The following NUP98 variants were observed in gnomAD, a reference collection of about 807,000 sequenced individuals.
The protein encoded by NUP98 is nucleoporin 98 and 96 precursor.
In NUP98, 26 loss-of-function variants were observed where a neutral mutation model predicts 191.9. The observed-to-expected ratio is 0.14, with a 90% CI of 0.10 to 0.19. The LOEUF is 0.19. Ranked by LOEUF, NUP98 falls within the 10% of genes least tolerant of loss-of-function variation. The probability of loss-of-function intolerance (pLI) is 1.00; values close to 1 mark genes in which losing one functional copy is unlikely to be tolerated. For missense variants in NUP98, 1,941 were observed against 2,178.8 expected (o/e 0.89, Z 2.17); for synonymous variants, 808 against 778.4 (o/e 1.04, Z -0.63).
intron 10 of NUP98, among the ~76,000 whole-genome samples, chr11:3,757,786 C>A (rs1177303780): frequency 6.6e-6 from 1 of 151,556 alleles, no homozygotes; most frequent in Non-Finnish European, 1.5e-5. Flanking sequence ...GTGACAAGAG[C>A]GAAACTCCGT....
intron 13 of NUP98, among the ~76,000 whole-genome samples, chr11:3,734,664 A>T (rs1234242302): frequency 6.6e-6 from 1 of 152,236 alleles, no homozygotes; most frequent in Non-Finnish European, 1.5e-5. Context: ...TAAGAGATTA[A>T]AGACAAAGCT....
At chr11:3,720,916 T>C (rs1033585023) in intron 16 of NUP98, 91 bp from the exon 17 acceptor site, 6 of 626,584 alleles carry the variant, frequency 9.6e-6, no homozygotes, top group Non-Finnish European at 1.1e-5. Context: ...TATATCAGAA[T>C]GAAGAATTTT....
chr11:3,797,505 C>A lies in NUP98; in HGVS notation c.-134G>T. On this transcript the variant is annotated 5_prime_UTR_variant, in exon 1 of 33. Coordinates refer to ENST00000324932, the MANE Select transcript of NUP98 (RefSeq NM_016320.5). ...AAACCGTCGCCGCCGCCGCTACCAC[C>A]CCTGCCACCGACCGCCGCTTCGGGC... 1 of 445,120 alleles carries A rather than the reference C, an allele frequency of 2.2e-6. No individual in the cohort carries two copies. The highest frequency in any genetic ancestry group is 5.0e-5 in the South Asian group (1 of 19,916). 27.6% of individuals were successfully genotyped at this position (445,120 alleles called of 1,614,324 possible). A position where few individuals can be genotyped will look rare whatever the true frequency, so the allele number is the denominator to read the frequency against.
intron 20 of NUP98, among the ~76,000 whole-genome samples, chr11:3,707,459 A>T (rs1488249627): frequency 6.6e-6 from 1 of 152,038 alleles, no homozygotes; most frequent in African/African-American, 2.4e-5. Context: ...AACCAAAAAA[A>T]ATTCTAGACT....
chr11:3,715,678 C>A (rs184413993), intron 18 of NUP98, among the ~76,000 whole-genome samples: 2 of 152,096 alleles, frequency 1.3e-5, no homozygotes, highest in Non-Finnish European at 2.9e-5. Context: ...AACCTCTGTT[C>A]GAGACCAACC....
chr11:3,714,112 A>G (rs2134175951), intron 18 of NUP98, 117 bp from the exon 19 acceptor site: 1 of 1,036,322 alleles, frequency 9.6e-7, no homozygotes, highest in East Asian at 2.5e-5. Context: ...CCTTGGAATT[A>G]TTCTGCATGT....
At chr11:3,738,794 A>AAG (rs1554894907) in intron 12 of NUP98, among the ~76,000 whole-genome samples, 1 of 150,712 alleles carries the variant, frequency 6.6e-6, no homozygotes, top group African/African-American at 2.4e-5. Flanking sequence ...AAAAAAAAAA[A>AAG]AAAAGGAAAG....
Position 3,763,009 on chromosome 11 carries a change from G to A in NUP98, c.979C>T (p.Pro327Ser). ...GLFGVTQASQPGGLFGTATNT... is the reference protein window; with the variant it reads ...GLFGVTQASQSGGLFGTATNT... ...GTAGCTGTCCCAAAAAGACCTCCAG[G>A]CTGTGAGGCTTGGGTTACTCCAAAT... Residue 327 changes from proline (P) to serine (S), a missense_variant, in exon 9 of 33, where the codon CCT becomes TCT. Pro to Ser is a moderately conservative substitution (Grantham distance 74, BLOSUM62 -1). Coordinates refer to ENST00000324932, the MANE Select transcript of NUP98 (RefSeq NM_016320.5). The A allele has an allele frequency of 6.2e-7, 1 of 1,613,954 alleles. No individual in the cohort carries two copies. Among genetic ancestry groups the A allele is most frequent in the Non-Finnish European group, 8.5e-7 (1 of 1,180,008 alleles).
intron 12 of NUP98, 56 bp downstream of exon 12, chr11:3,744,453 G>C (rs1238098193): frequency 6.5e-7 from 1 of 1,546,412 alleles, no homozygotes; most frequent in Admixed American, 2.1e-5. Context: ...GGAAAATCAG[G>C]TCAGCAAGTA....
intron 17 of NUP98, among the ~76,000 whole-genome samples, chr11:3,720,180 T>A (rs926453616): frequency 3.3e-5 from 5 of 152,210 alleles, no homozygotes; most frequent in African/African-American, 1.2e-4. Context: ...GCATATGGGT[T>A]AAAATGCCTG....
chr11:3,714,584 CCTGGCAAATACTACT>C (rs889809130), intron 18 of NUP98, among the ~76,000 whole-genome samples: 1 of 152,058 alleles, frequency 6.6e-6, no homozygotes, highest in Non-Finnish European at 1.5e-5. Context: ...TCCCGGAGCC[CCTGGCAAATACTACT>C]CTACTTTGTT....
intron 18 of NUP98, among the ~76,000 whole-genome samples, chr11:3,718,902 T>A (rs2079285484): frequency 6.6e-6 from 1 of 151,874 alleles, no homozygotes; most frequent in Non-Finnish European, 1.5e-5. Context: ...GGAGGATCAC[T>A]TGAAATCAGG....
chr11:3,755,135 T>TG (rs1166923260), intron 10 of NUP98, among the ~76,000 whole-genome samples: 2 of 152,014 alleles, frequency 1.3e-5, no homozygotes, highest in African/African-American at 2.4e-5. Flanking sequence ...CAGAAAACCC[T>TG]GTTTGCAGAA....
chr11:3,763,943 T>C (rs1265569817), intron 8 of NUP98, among the ~76,000 whole-genome samples: 1 of 152,234 alleles, frequency 6.6e-6, no homozygotes, highest in East Asian at 1.9e-4. Flanking sequence ...AAAGGAAAAA[T>C]ATTGTGCTAA....
Position 3,761,522 on chromosome 11 carries a change from G to A in NUP98, c.1087-896C>T, listed in dbSNP as rs188482225. ...CGTCTGTAATCCCAGCACTTTCGGAGTCCAAGGCAGGTGGATCACGAGGTC... is the reference window on the plus strand; with the variant it reads ...CGTCTGTAATCCCAGCACTTTCGGAATCCAAGGCAGGTGGATCACGAGGTC... On this transcript the variant is annotated intron_variant, in intron 9 of 32. Coordinates refer to ENST00000324932, the MANE Select transcript of NUP98 (RefSeq NM_016320.5). Among the ~76,000 whole-genome samples the A allele has an allele frequency of 6.6e-5, 10 of 152,270 alleles. No individual in the cohort carries two copies. The East Asian group carries it at 1.5e-3, about 24-fold the overall frequency.
intron 28 of NUP98, among the ~76,000 whole-genome samples, chr11:3,688,773 C>G (rs1035895798): frequency 7.6e-6 from 1 of 131,686 alleles, no homozygotes; most frequent in African/African-American, 2.9e-5. Context: ...CTAGACTGGG[C>G]GACAGAGAGA....
intron 14 of NUP98, among the ~76,000 whole-genome samples, chr11:3,726,149 T>G (rs558875730): frequency 2.6e-5 from 4 of 152,148 alleles, no homozygotes; most frequent in Non-Finnish European, 5.9e-5. Context: ...AACTCTCAAA[T>G]TTCTAAGAAT....
chr11:3,755,583 T>A (rs533233470), intron 10 of NUP98, among the ~76,000 whole-genome samples: 1 of 152,322 alleles, frequency 6.6e-6, no homozygotes, highest in East Asian at 1.9e-4. Context: ...GTGCCAGTAT[T>A]TGGATTATTA....
intron 10 of NUP98, among the ~76,000 whole-genome samples, chr11:3,757,837 T>C (rs75522120): frequency 0.012 from 1,855 of 152,044 alleles, 36 homozygotes; most frequent in African/African-American, 0.042. Context: ...ATTTTGAACA[T>C]GAAGCATGCT....
Sources: gnomAD v4.1 joint callset for allele counts (sites outside exome capture counted in the v4.1 genomes callset) on GRCh38, gnomAD v4.1.1 for gene constraint, MANE v1.5 for transcripts, NCBI Gene and HGNC (gene_info 2026-07-23, HGNC 2026-07-21) for gene names.